WDPCP: variants seen among roughly 807,000 people sequenced by gnomAD.
WDPCP encodes WD repeat-containing and planar cell polarity effector protein fritz homolog.
A neutral mutation model predicts 93.1 loss-of-function variants in WDPCP; 71 were observed. The observed-to-expected ratio is 0.76, with a 90% CI of 0.63 to 0.93. The LOEUF is 0.93. WDPCP is among the 40% of genes least tolerant of loss of function. The pLI is 0.00. For synonymous variants in WDPCP, 315 were observed against 315.0 expected (o/e 1.00, Z 0.00); for missense variants, 844 against 887.4 (o/e 0.95, Z 0.62).
chr2:63,382,121 G>T, intron 10 of WDPCP, 27 bp from the exon 11 acceptor site: 1 of 1,599,776 alleles, frequency 6.3e-7, no homozygotes, highest in Non-Finnish European at 8.5e-7. Context: ...AAAACCAGGT[G>T]AATCTTTTAA....
chr2:63,784,864 A>T (rs576495242), intron 2 of WDPCP, among the ~76,000 whole-genome samples: 1 of 152,278 alleles, frequency 6.6e-6, no homozygotes, highest in South Asian at 2.1e-4. Context: ...AAATTGGCAA[A>T]CCTGGGTATA....
At chr2:63,465,338 T>C (rs1575471844) in intron 6 of WDPCP, among the ~76,000 whole-genome samples, 1 of 151,996 alleles carries the variant, frequency 6.6e-6, no homozygotes, top group African/African-American at 2.4e-5. Context: ...AAGCCAAAAT[T>C]TGACACCAAA....
chr2:63,716,993 A>G (rs925288916), intron 2 of WDPCP: 13 of 199,570 alleles, frequency 6.5e-5, no homozygotes, highest in Admixed American at 2.3e-4. Flanking sequence ...AAATAAATAT[A>G]TTATGAAGTG....
At chr2:63,403,179 A>G (rs1694282568) in intron 10 of WDPCP, among the ~76,000 whole-genome samples, 1 of 152,210 alleles carries the variant, frequency 6.6e-6, no homozygotes, top group South Asian at 2.1e-4. Flanking sequence ...GAAACAGAAA[A>G]CCAAATACCG....
At chr2:63,817,405 G>A (rs1398111142) in intron 1 of WDPCP, among the ~76,000 whole-genome samples, 1 of 152,154 alleles carries the variant, frequency 6.6e-6, no homozygotes, top group Non-Finnish European at 1.5e-5. Context: ...ACCGCACCCA[G>A]CCAAGCTACT....
chr2:63,389,198 C>G (rs764554153), intron 10 of WDPCP, among the ~76,000 whole-genome samples: 1 of 152,342 alleles, frequency 6.6e-6, no homozygotes, highest in East Asian at 1.9e-4. Context: ...ACCAGCAGAT[C>G]TCCCTGCAGA....
At chr2:63,586,160 C>T (rs1708833732) in intron 1 of WDPCP, among the ~76,000 whole-genome samples, 1 of 152,142 alleles carries the variant, frequency 6.6e-6, no homozygotes, top group Non-Finnish European at 1.5e-5. Context: ...TATAAAAAAG[C>T]ATAAGATCTT....
intron 1 of WDPCP, among the ~76,000 whole-genome samples, chr2:63,504,017 C>T (rs1185486100): frequency 6.6e-6 from 1 of 151,968 alleles, no homozygotes; most frequent in African/African-American, 2.4e-5. Context: ...CACTTGTCAA[C>T]ACTTTGATGA....
intron 2 of WDPCP, among the ~76,000 whole-genome samples, chr2:63,705,315 C>T (rs1000748264): frequency 1.3e-5 from 2 of 152,090 alleles, no homozygotes; most frequent in African/African-American, 4.8e-5. Flanking sequence ...CTGCTCTGAT[C>T]TTAGTTATTT....
chr2:63,540,924 C>A (rs1226986680), intron 1 of WDPCP, among the ~76,000 whole-genome samples: 1 of 149,906 alleles, frequency 6.7e-6, no homozygotes, highest in Non-Finnish European at 1.5e-5. Flanking sequence ...TTGTGTTTTT[C>A]TGTTTTTGTT....
At chr2:63,798,048 A>G (rs1470342947) in intron 2 of WDPCP, among the ~76,000 whole-genome samples, 1 of 152,218 alleles carries the variant, frequency 6.6e-6, no homozygotes, top group Non-Finnish European at 1.5e-5. Flanking sequence ...GCTGAAGGAA[A>G]AAAACTTTTA....
chr2:63,706,704 C>T (rs188867505), intron 2 of WDPCP, among the ~76,000 whole-genome samples: 3,371 of 149,252 alleles, frequency 0.023, 39 homozygotes, highest in East Asian at 0.034. Context: ...GCAAGCTCCG[C>T]TTCCCGGGTT....
chr2:63,584,920 T>A (rs1352377317), intron 1 of WDPCP, among the ~76,000 whole-genome samples: 2 of 152,114 alleles, frequency 1.3e-5, no homozygotes, highest in African/African-American at 2.4e-5. Context: ...TGATGAATAA[T>A]GTTTTATCTT....
intron 2 of WDPCP, among the ~76,000 whole-genome samples, chr2:63,795,523 G>GAGAGAA (rs1302986391): frequency 8.8e-5 from 13 of 146,924 alleles, no homozygotes; most frequent in South Asian, 4.4e-4. Flanking sequence ...AAGAAAGAAA[G>GAGAGAA]AGAGAAAGAG....
At chr2:63,139,536 G>A (rs187442976) in intron 17 of WDPCP, among the ~76,000 whole-genome samples, 11 of 152,090 alleles carry the variant, frequency 7.2e-5, no homozygotes, top group Non-Finnish European at 7.4e-5. Context: ...AGGTGGTATC[G>A]CATTGTGGTT....
intron 6 of WDPCP, chr2:63,440,075 A>G (rs1697405040): frequency 5.5e-6 from 3 of 545,592 alleles, no homozygotes; most frequent in Non-Finnish European, 1.0e-5. Flanking sequence ...GCAACACAAT[A>G]AATGCATTGA....
At chr2:63,797,067 C>T (rs909506508) in intron 2 of WDPCP, among the ~76,000 whole-genome samples, 9 of 152,306 alleles carry the variant, frequency 5.9e-5, no homozygotes, top group African/African-American at 2.2e-4. Context: ...GGCCCTATCT[C>T]CTGGACATGA....
intron 12 of WDPCP, among the ~76,000 whole-genome samples, chr2:63,368,218 A>C (rs1292175491): frequency 6.6e-6 from 1 of 152,146 alleles, no homozygotes; most frequent in Non-Finnish European, 1.5e-5. Flanking sequence ...CAGATGCTTG[A>C]GAGCACTTAA....
intron 14 of WDPCP, among the ~76,000 whole-genome samples, chr2:63,237,043 G>T (rs2104608998): frequency 6.6e-6 from 1 of 151,850 alleles, no homozygotes; most frequent in African/African-American, 2.4e-5. Context: ...AGAATAAATA[G>T]ATAACCTACA....
Sources: allele counts gnomAD v4.1 joint callset (sites outside exome capture counted in the v4.1 genomes callset), GRCh38; gene constraint gnomAD v4.1.1; transcripts MANE v1.5; gene names NCBI Gene and HGNC (gene_info 2026-07-23, HGNC 2026-07-21).